OCLN: variants seen among roughly 807,000 people sequenced by gnomAD.
OCLN encodes occludin, also known as phosphatase 1, regulatory subunit 115.
Under a neutral mutation model 47.9 loss-of-function variants are expected in OCLN, and 21 were observed. That is an observed-to-expected ratio of 0.44 (90% CI 0.31 to 0.63). OCLN has a LOEUF of 0.63. Ranked by LOEUF, OCLN falls within the 30% of genes least tolerant of loss-of-function variation. The pLI is 0.08. For missense variants in OCLN, 360 were observed against 571.0 expected (o/e 0.63, Z 3.77); for synonymous variants, 117 against 198.4 (o/e 0.59, Z 3.45).
intron 5 of OCLN, among the ~76,000 whole-genome samples, chr5:69,535,873 C>T (rs1193495297): frequency 5.3e-5 from 8 of 152,170 alleles, no homozygotes; most frequent in Non-Finnish European, 1.0e-4. Flanking sequence ...GCCTATAATC[C>T]CAGCACTTTG....
chr5:69,496,052 C>G (rs1247071123), intron 1 of OCLN, among the ~76,000 whole-genome samples: 1 of 151,906 alleles, frequency 6.6e-6, no homozygotes, highest in East Asian at 1.9e-4. Flanking sequence ...AGACAATTTA[C>G]TAATGATGTG....
At chr5:69,515,753 A>T (rs1260725990) in intron 4 of OCLN, among the ~76,000 whole-genome samples, 1 of 143,434 alleles carries the variant, frequency 7.0e-6, no homozygotes, top group Non-Finnish European at 1.5e-5. Context: ...GGCGGTTGCC[A>T]GGCGGAGGGT....
chr5:69,514,865 A>C (rs1345047947), intron 4 of OCLN, among the ~76,000 whole-genome samples: 19 of 152,232 alleles, frequency 1.2e-4, no homozygotes, highest in Admixed American at 2.6e-4. Context: ...CAACAGGATC[A>C]CAAGGCAGAA....
At chr5:69,500,468 C>T (rs960331111) in intron 1 of OCLN, among the ~76,000 whole-genome samples, 6 of 149,876 alleles carry the variant, frequency 4.0e-5, no homozygotes, top group Non-Finnish European at 7.4e-5. Flanking sequence ...TGGCGCAATA[C>T]TGGCTCACTG....
intron 4 of OCLN, among the ~76,000 whole-genome samples, chr5:69,520,190 C>A (rs951946981): frequency 1.1e-4 from 16 of 149,264 alleles, no homozygotes; most frequent in African/African-American, 4.0e-4. Context: ...AACTTCTGAC[C>A]TCAGGTGATC....
At chr5:69,504,514 T>C (rs1768543184) in intron 2 of OCLN, among the ~76,000 whole-genome samples, 1 of 152,260 alleles carries the variant, frequency 6.6e-6, no homozygotes, top group African/African-American at 2.4e-5. Context: ...CTATTCCTAA[T>C]GTTTGTTTCA....
At chr5:69,527,404 G>T (rs1769312004) in intron 4 of OCLN, among the ~76,000 whole-genome samples, 1 of 152,260 alleles carries the variant, frequency 6.6e-6, no homozygotes, top group South Asian at 2.1e-4. Context: ...TTCTTGTCCA[G>T]TCAAAGCTGT....
chr5:69,514,550 C>A (rs1445153787), intron 4 of OCLN, among the ~76,000 whole-genome samples: 2 of 148,712 alleles, frequency 1.3e-5, no homozygotes, highest in African/African-American at 5.0e-5. Flanking sequence ...TTTTATTGAT[C>A]ATTCTTGGGT....
chr5:69,512,991 A>T (rs1353812304), intron 3 of OCLN, among the ~76,000 whole-genome samples: 1 of 152,160 alleles, frequency 6.6e-6, no homozygotes, highest in Non-Finnish European at 1.5e-5. Flanking sequence ...AGAAGACTGA[A>T]GGTTTTCCCT....
At chr5:69,518,514 T>C (rs1769039448) in intron 4 of OCLN, among the ~76,000 whole-genome samples, 1 of 152,228 alleles carries the variant, frequency 6.6e-6, no homozygotes, top group Admixed American at 6.5e-5. Flanking sequence ...CCTGCCCAAG[T>C]TCATGTCGCG....
At chr5:69,516,605 G>A (rs575076647) in intron 4 of OCLN, among the ~76,000 whole-genome samples, 2 of 152,330 alleles carry the variant, frequency 1.3e-5, no homozygotes, top group African/African-American at 4.8e-5. Context: ...TTAACATTAT[G>A]AAATACTTCA....
chr5:69,510,673 G>C (rs1369612543), intron 3 of OCLN, among the ~76,000 whole-genome samples: 1 of 152,094 alleles, frequency 6.6e-6, no homozygotes, highest in Non-Finnish European at 1.5e-5. Flanking sequence ...GACAGAGCAA[G>C]ACTCCATCTC....
intron 3 of OCLN, among the ~76,000 whole-genome samples, chr5:69,510,363 A>G (rs1768745067): frequency 6.6e-6 from 1 of 152,114 alleles, no homozygotes; most frequent in Non-Finnish European, 1.5e-5. Context: ...CAGTTGATAG[A>G]CATTTGTGTC....
chr5:69,533,088 TACACACAC>T (rs527907847), intron 4 of OCLN, among the ~76,000 whole-genome samples: 5 of 124,670 alleles, frequency 4.0e-5, no homozygotes, highest in Admixed American at 1.6e-4. Context: ...TATATATATA[TACACACAC>T]ACACACACAC....
chr5:69,535,838 C>A (rs1189604085), intron 5 of OCLN, among the ~76,000 whole-genome samples: 1 of 152,026 alleles, frequency 6.6e-6, no homozygotes, highest in Non-Finnish European at 1.5e-5. Context: ...AAAAATGGTA[C>A]ATCTTGGCGG....
intron 4 of OCLN, among the ~76,000 whole-genome samples, chr5:69,531,641 C>G (rs1769433798): frequency 6.6e-6 from 1 of 152,218 alleles, no homozygotes. Context: ...GTGGTGGGGT[C>G]TGAGCACACT....
At chr5:69,502,420 C>T (rs1460756892) in intron 1 of OCLN, 1 of 152,164 alleles carries the variant, frequency 6.6e-6, no homozygotes, top group East Asian at 1.9e-4. Flanking sequence ...AACTTGAAAG[C>T]ACAAGAGGTT....
chr5:69,509,928 C>A, intron 3 of OCLN, 109 bp downstream of exon 3: 1 of 852,514 alleles, frequency 1.2e-6, no homozygotes, highest in Non-Finnish European at 2.0e-6. Flanking sequence ...GATGACAAGG[C>A]TCCACTTCTA....
intron 7 of OCLN, among the ~76,000 whole-genome samples, chr5:69,549,004 C>T (rs1413133200): frequency 1.4e-5 from 2 of 146,288 alleles, no homozygotes; most frequent in Non-Finnish European, 3.0e-5. Context: ...ATTATCTTTC[C>T]TATTTATAAA....
Sources: gnomAD v4.1 joint callset for allele counts (sites outside exome capture counted in the v4.1 genomes callset) on GRCh38, gnomAD v4.1.1 for gene constraint, MANE v1.5 for transcripts, NCBI Gene and HGNC (gene_info 2026-07-23, HGNC 2026-07-21) for gene names.